Variants in ADAMTS19 observed in about 807,000 individuals in gnomAD.
ADAMTS19 encodes ADAM metallopeptidase with thrombospondin type 1 motif 19, also known as A disintegrin and metalloproteinase with thrombospondin motifs 19.
ADAMTS19 carries 93 observed loss-of-function variants against 153.3 expected under a neutral mutation model. That is an observed-to-expected ratio of 0.61 (90% CI 0.51 to 0.72). The LOEUF (loss-of-function observed/expected upper bound fraction) is 0.72. Ranked by LOEUF, ADAMTS19 falls within the 30% of genes least tolerant of loss-of-function variation. ADAMTS19 has a pLI of 0.00. For synonymous variants in ADAMTS19, 600 were observed against 556.6 expected, an observed-to-expected ratio of 1.08 and a Z score of -1.10; for missense variants, 1,482 against 1,552.1, an observed-to-expected ratio of 0.95 and a Z score of 0.76.
intron 2 of ADAMTS19, among the ~76,000 whole-genome samples, chr5:129,463,354 C>G (rs754961641): frequency 6.6e-6 from 1 of 152,066 alleles, no homozygotes; most frequent in Non-Finnish European, 1.5e-5. Flanking sequence ...TGTAACAAAC[C>G]TGCAGGTTGT....
At chr5:129,547,487 A>G (rs1168129674) in intron 6 of ADAMTS19, among the ~76,000 whole-genome samples, 1 of 150,730 alleles carries the variant, frequency 6.6e-6, no homozygotes, top group Non-Finnish European at 1.5e-5. Flanking sequence ...AGAAAGTAAA[A>G]GGAATCATAC....
At chr5:129,646,918 G>T (rs1218708739) in intron 11 of ADAMTS19, among the ~76,000 whole-genome samples, 1 of 151,970 alleles carries the variant, frequency 6.6e-6, no homozygotes, top group African/African-American at 2.4e-5. Flanking sequence ...TTGATTTTCA[G>T]GAATGAGGAG....
chr5:129,513,448 A>C (rs1388066519), intron 3 of ADAMTS19, among the ~76,000 whole-genome samples: 1 of 151,912 alleles, frequency 6.6e-6, no homozygotes, highest in Non-Finnish European at 1.5e-5. Flanking sequence ...GTGAGCCATG[A>C]TCACACCACT....
chr5:129,639,280 G>A (rs1752688126), intron 10 of ADAMTS19, among the ~76,000 whole-genome samples: 1 of 152,134 alleles, frequency 6.6e-6, no homozygotes, highest in East Asian at 1.9e-4. Context: ...TACCTCTAAT[G>A]TGACATATCT....
At chr5:129,486,991 A>G (rs1198036325) in intron 2 of ADAMTS19, among the ~76,000 whole-genome samples, 2 of 152,082 alleles carry the variant, frequency 1.3e-5, no homozygotes, top group Non-Finnish European at 2.9e-5. Context: ...TCTCTCCTTT[A>G]TTTCTGGCAT....
intron 2 of ADAMTS19, among the ~76,000 whole-genome samples, chr5:129,505,963 T>C (rs1351231781): frequency 2.6e-5 from 4 of 152,186 alleles, no homozygotes; most frequent in African/African-American, 9.6e-5. Context: ...TATAATCTTA[T>C]TTCTTGCTAA....
chr5:129,552,234 G>A (rs187766274), intron 7 of ADAMTS19, among the ~76,000 whole-genome samples: 23 of 151,672 alleles, frequency 1.5e-4, no homozygotes, highest in Admixed American at 1.3e-3. Context: ...ATGACATTAT[G>A]TTTGACTAAT....
In ADAMTS19 at chr5:129,527,740, G is replaced by GT. The variant is rs574103299; in HGVS notation, c.1087-3dup. On this transcript the variant is annotated splice_polypyrimidine_tract_variant and splice_region_variant and intron_variant, in intron 4 of 22. Coordinates refer to ENST00000274487, the MANE Select transcript of ADAMTS19 (RefSeq NM_133638.6). Reference sequence around the variant, plus strand: ...AATTTTAGGATTTTTATTTTTATTTGTTTTTAGGTATTTAACCTTTTCCAA... The same window carrying GT: ...AATTTTAGGATTTTTATTTTTATTTGTTTTTTAGGTATTTAACCTTTTCCAA... 24 of 1,486,220 alleles carry GT rather than the reference G, an allele frequency of 1.6e-5. No homozygotes were observed. The South Asian group carries it at 2.7e-4, about 17-fold the overall frequency. 92.1% of individuals were successfully genotyped at this position (1,486,220 alleles called of 1,614,324 possible).
At chr5:129,516,078 G>A (rs972464035) in intron 3 of ADAMTS19, among the ~76,000 whole-genome samples, 1 of 151,728 alleles carries the variant, frequency 6.6e-6, no homozygotes, top group Non-Finnish European at 1.5e-5. Flanking sequence ...TTTATAAGAT[G>A]TATCATGTCA....
intron 17 of ADAMTS19, among the ~76,000 whole-genome samples, chr5:129,680,855 G>T (rs1442091916): frequency 3.3e-5 from 5 of 152,224 alleles, no homozygotes; most frequent in Admixed American, 6.5e-5. Context: ...CAGGCTGGTG[G>T]CAGGTCCATG....
intron 7 of ADAMTS19, among the ~76,000 whole-genome samples, chr5:129,588,490 T>G (rs1398290881): frequency 6.6e-6 from 1 of 152,122 alleles, no homozygotes; most frequent in Non-Finnish European, 1.5e-5. Flanking sequence ...TTAGATTCTC[T>G]GTATCTTTAC....
intron 2 of ADAMTS19, among the ~76,000 whole-genome samples, chr5:129,500,875 T>A (rs1334615182): frequency 6.6e-6 from 1 of 152,088 alleles, no homozygotes; most frequent in Admixed American, 6.6e-5. Context: ...GAGGATAAAC[T>A]ATTATTTGGC....
intron 6 of ADAMTS19, among the ~76,000 whole-genome samples, chr5:129,533,825 T>C (rs1752304745): frequency 6.6e-6 from 1 of 152,142 alleles, no homozygotes; most frequent in Admixed American, 6.6e-5. Flanking sequence ...AAAGAACATC[T>C]TTATTTCTGC....
chr5:129,528,663 T>A lies in ADAMTS19; in HGVS notation c.1314T>A (p.Ala438=), dbSNP rs1174793347. 3.8e-6 allele frequency: 6 copies of A among 1,595,754 alleles called. No individual in the cohort carries two copies. The Admixed American group carries it at 5.3e-5, about 14-fold the overall frequency. ...AAGACATGACTTCAGTGGATGCAGCTATACTTATAACAAGGTAAATTTTCC... is the reference window on the plus strand; with the variant it reads ...AAGACATGACTTCAGTGGATGCAGCAATACTTATAACAAGGTAAATTTTCC... ...WGEDMTSVDA[A]ILITRKDFCV... Residue 438 remains alanine, a synonymous_variant, in exon 6 of 23, where the codon GCT becomes GCA. Transcript: ENST00000274487.
intron 21 of ADAMTS19, among the ~76,000 whole-genome samples, chr5:129,704,895 A>C (rs1022543656): frequency 4.6e-5 from 7 of 152,194 alleles, no homozygotes; most frequent in African/African-American, 1.4e-4. Flanking sequence ...TCAAGTGAAC[A>C]CAATTTATAT....
chr5:129,647,893 T>C lies in ADAMTS19; in HGVS notation c.2001T>C (p.Pro667=), dbSNP rs374067627. 3.7e-5 allele frequency: 59 copies of C among 1,610,834 alleles called. No homozygotes were observed. Among genetic ancestry groups the C allele is most frequent in the South Asian group, 2.9e-4 (26 of 90,712 alleles). Residue 667 remains proline, a splice_region_variant and synonymous_variant, in exon 12 of 23, where the codon CCT becomes CCC. Coordinates refer to ENST00000274487, the MANE Select transcript of ADAMTS19 (RefSeq NM_133638.6). ...AGISSRERKC[P]GLDSEARDCN... ...TCAGCAGTCGAGAGCGCAAATGTCC[T>C]GGGTAAACTCAAAGTTCCTGGTTGG...
intron 18 of ADAMTS19, among the ~76,000 whole-genome samples, chr5:129,687,234 G>A (rs944807450): frequency 6.6e-6 from 1 of 152,126 alleles, no homozygotes. Flanking sequence ...TGGGGGGCAG[G>A]CAATGGAGGA....
intron 7 of ADAMTS19, among the ~76,000 whole-genome samples, chr5:129,589,467 T>C (rs1749989775): frequency 6.6e-6 from 1 of 152,080 alleles, no homozygotes; most frequent in Non-Finnish European, 1.5e-5. Flanking sequence ...CACAAGTACA[T>C]TACAACTGTA....
At chr5:129,651,656 T>C (rs1362290316) in intron 13 of ADAMTS19, among the ~76,000 whole-genome samples, 4 of 152,186 alleles carry the variant, frequency 2.6e-5, no homozygotes, top group Non-Finnish European at 4.4e-5. Context: ...TCAGTGTATG[T>C]CAGTTCCTCT....
Sources: allele counts gnomAD v4.1 joint callset (sites outside exome capture counted in the v4.1 genomes callset), GRCh38; gene constraint gnomAD v4.1.1; transcripts MANE v1.5; gene names NCBI Gene and HGNC (gene_info 2026-07-23, HGNC 2026-07-21).